PIP5K1B: variants seen among roughly 807,000 people sequenced by gnomAD.
PIP5K1B encodes the protein phosphatidylinositol 4-phosphate 5-kinase type-1 beta.
PIP5K1B carries 42 observed loss-of-function variants against 67.0 expected under a neutral mutation model. The observed-to-expected ratio is 0.63, with a 90% confidence interval of 0.49 to 0.81. PIP5K1B has a LOEUF of 0.81. Ranked by LOEUF, PIP5K1B falls within the 30% of genes least tolerant of loss-of-function variation. The probability of loss-of-function intolerance (pLI) is 0.00; values close to 1 mark genes in which losing one functional copy is unlikely to be tolerated. For synonymous variants in PIP5K1B, 214 were observed against 231.4 expected, an observed-to-expected ratio of 0.92 and a Z score of 0.68; for missense variants, 459 against 646.3, an observed-to-expected ratio of 0.71 and a Z score of 3.14.
At chr9:68,914,422 T>G (rs143724871) in intron 8 of PIP5K1B, among the ~76,000 whole-genome samples, 1 of 152,126 alleles carries the variant, frequency 6.6e-6, no homozygotes, top group Admixed American at 6.5e-5. Context: ...TTTTTGCCAA[T>G]TGAAAATTCC....
chr9:68,923,230 C>A, intron 11 of PIP5K1B, 72 bp from the exon 12 acceptor site: 1 of 855,706 alleles, frequency 1.2e-6, no homozygotes, highest in Non-Finnish European at 1.9e-6. Context: ...GAACCAATTG[C>A]ATAGATCTCT....
Position 68,837,917 on chromosome 9 carries a change from T to A in PIP5K1B, c.69+15234T>A, listed in dbSNP as rs541355581. ...ATTCAGAAAGAAGCATCTTTAAACT[T>A]GTATTTTTCCTTCCAAGAATGAAAT... On this transcript the variant is annotated intron_variant, in intron 4 of 15. Transcript: ENST00000265382. Among the ~76,000 whole-genome samples the A allele has an allele frequency of 1.4e-3, 218 of 152,148 alleles. 1 individual carries two copies. Among genetic ancestry groups the A allele is most frequent in the African/African-American group, 5.1e-3 (210 of 41,560 alleles).
At chr9:68,931,194 A>G (rs1027097683) in intron 12 of PIP5K1B, among the ~76,000 whole-genome samples, 7 of 152,236 alleles carry the variant, frequency 4.6e-5, no homozygotes, top group Non-Finnish European at 1.0e-4. Flanking sequence ...AGCCACCATT[A>G]TGTTGAAACT....
intron 1 of PIP5K1B, among the ~76,000 whole-genome samples, chr9:68,733,255 T>C (rs1024770551): frequency 6.6e-6 from 1 of 152,246 alleles, no homozygotes; most frequent in Non-Finnish European, 1.5e-5. Flanking sequence ...TAGGTGCTGG[T>C]TATTCCTCCA....
At chr9:68,918,930 A>G (rs1411093471) in intron 9 of PIP5K1B, among the ~76,000 whole-genome samples, 1 of 152,230 alleles carries the variant, frequency 6.6e-6, no homozygotes, top group East Asian at 1.9e-4. Flanking sequence ...GTTATAAAAC[A>G]TGATAAATAA....
chr9:68,817,874 T>C (rs1490701962), intron 2 of PIP5K1B, among the ~76,000 whole-genome samples: 1 of 152,124 alleles, frequency 6.6e-6, no homozygotes, highest in Non-Finnish European at 1.5e-5. Context: ...TTTTACTTTA[T>C]ACCTCTCTAC....
At chr9:68,972,518 G>A (rs1829427731) in intron 14 of PIP5K1B, among the ~76,000 whole-genome samples, 1 of 152,174 alleles carries the variant, frequency 6.6e-6, no homozygotes, top group Non-Finnish European at 1.5e-5. Context: ...GTGTGTGCCT[G>A]TAGTCCCAGT....
Position 68,876,788 on chromosome 9 carries a change from T to A in PIP5K1B, c.312T>A (p.Asp104Glu). The A allele has an allele frequency of 6.9e-7, 1 of 1,448,112 alleles. No individual in the cohort carries two copies. Among genetic ancestry groups the A allele is most frequent in the South Asian group, 1.1e-5 (1 of 87,764 alleles). 89.7% of individuals were successfully genotyped at this position (1,448,112 alleles called of 1,614,324 possible). Residue 104 changes from aspartate (D) to glutamate (E), a missense_variant, in exon 6 of 16, where the codon GAT becomes GAA. Physicochemically the swap from Asp to Glu is conservative, Grantham distance 45. Transcript: ENST00000265382. Reference sequence around the variant, plus strand: ...AACTTTTTGGTATCAAGCCTGATGATTACTTGGTAAGAACCTGTCATTTTT... The same window carrying A: ...AACTTTTTGGTATCAAGCCTGATGAATACTTGGTAAGAACCTGTCATTTTT... Reference protein sequence around the residue: ...FRELFGIKPDDYLYSICSEPL... With the variant: ...FRELFGIKPDEYLYSICSEPL...
intron 1 of PIP5K1B, among the ~76,000 whole-genome samples, chr9:68,740,737 T>C (rs189457542): frequency 6.6e-6 from 1 of 152,372 alleles, no homozygotes; most frequent in East Asian, 1.9e-4. Flanking sequence ...CAGTAAGGCT[T>C]GTGCCTTCCT....
intron 4 of PIP5K1B, among the ~76,000 whole-genome samples, chr9:68,832,532 G>A (rs1044052959): frequency 2.6e-5 from 4 of 152,152 alleles, no homozygotes; most frequent in African/African-American, 9.7e-5. Flanking sequence ...CCAGAGAAAG[G>A]AATATGTGGC....
chr9:68,853,958 G>A (rs1427559801), intron 4 of PIP5K1B, among the ~76,000 whole-genome samples: 1 of 152,058 alleles, frequency 6.6e-6, no homozygotes, highest in Non-Finnish European at 1.5e-5. Flanking sequence ...CCCTCCCACT[G>A]CTGGAGGCCG....
intron 1 of PIP5K1B, among the ~76,000 whole-genome samples, chr9:68,707,042 G>GA (rs746710342): frequency 1.7e-4 from 26 of 152,244 alleles, no homozygotes; most frequent in African/African-American, 4.6e-4. Flanking sequence ...GAGACGCTGG[G>GA]AAAAAACCTT....
In PIP5K1B at chr9:68,935,002, T is replaced by C. The variant is rs1224393722; in HGVS notation, c.1314T>C (p.Asp438=). ...ISQEWKDEKR[D]LLTEGQSFSS... ...AGGAATGGAAGGATGAGAAGCGGGATTTGCTGACTGAAGGACAAAGTTTTA... is the reference window on the plus strand; with the variant it reads ...AGGAATGGAAGGATGAGAAGCGGGACTTGCTGACTGAAGGACAAAGTTTTA... The change falls in exon 13 of 16, where the codon GAT becomes GAC. Residue 438 remains aspartate, a synonymous_variant. Transcript: ENST00000265382. The C allele has an allele frequency of 2.5e-6, 4 of 1,613,742 alleles. No individual in the cohort carries two copies. Among genetic ancestry groups the C allele is most frequent in the African/African-American group, 1.3e-5 (1 of 74,996 alleles).
chr9:68,933,494 C>T (rs150410825), intron 12 of PIP5K1B, among the ~76,000 whole-genome samples: 173 of 152,196 alleles, frequency 1.1e-3, no homozygotes, highest in Middle Eastern at 3.4e-3. Flanking sequence ...TTTCTCCCCT[C>T]AGTTTAACCA....
chr9:68,992,315 G>A (rs1409405290), intron 15 of PIP5K1B, among the ~76,000 whole-genome samples: 1 of 152,100 alleles, frequency 6.6e-6, no homozygotes, highest in Non-Finnish European at 1.5e-5. Flanking sequence ...AATTTTCTGG[G>A]TTTTTTTAAG....
intron 8 of PIP5K1B, among the ~76,000 whole-genome samples, chr9:68,916,585 C>CT (rs1361803214): frequency 6.6e-6 from 1 of 151,946 alleles, no homozygotes; most frequent in Non-Finnish European, 1.5e-5. Flanking sequence ...GAAAGACAGA[C>CT]TTTGAGGGCT....
chr9:68,875,511 T>G (rs958060271), intron 5 of PIP5K1B, among the ~76,000 whole-genome samples: 5 of 152,178 alleles, frequency 3.3e-5, no homozygotes, highest in African/African-American at 1.2e-4. Flanking sequence ...GAAGACTCAT[T>G]CCTTCACTCA....
chr9:68,726,610 TCAA>T (rs1418649806), intron 1 of PIP5K1B, among the ~76,000 whole-genome samples: 2 of 152,100 alleles, frequency 1.3e-5, no homozygotes, highest in African/African-American at 2.4e-5. Context: ...ATTAGCAACC[TCAA>T]CAAAAGAAAA....
At chr9:68,865,351 G>T (rs1401766608) in intron 5 of PIP5K1B, among the ~76,000 whole-genome samples, 1 of 151,996 alleles carries the variant, frequency 6.6e-6, no homozygotes, top group African/African-American at 2.4e-5. Context: ...AAAGCCAGGG[G>T]GTCATGAGTT....
Sources: allele counts gnomAD v4.1 joint callset (sites outside exome capture counted in the v4.1 genomes callset), GRCh38; gene constraint gnomAD v4.1.1; transcripts MANE v1.5; gene names NCBI Gene and HGNC (gene_info 2026-07-23, HGNC 2026-07-21).